Variants in MIB1 observed in about 807,000 individuals in gnomAD.
MIB1 encodes the protein MIB E3 ubiquitin protein ligase 1, also known as E3 ubiquitin-protein ligase MIB1.
A neutral mutation model predicts 124.5 loss-of-function variants in MIB1; 278 were observed. That is an observed-to-expected ratio of 2.23 (90% CI 2.02 to 2.47). The LOEUF (loss-of-function observed/expected upper bound fraction) is 2.47, where lower values mean the gene tolerates loss of function less well. Among genes scored for constraint, MIB1 ranks in the 30% most tolerant of loss-of-function variants. The pLI, the probability that MIB1 is intolerant of heterozygous loss-of-function variation, is 0.00. For synonymous variants in MIB1, 446 were observed against 429.4 expected, an observed-to-expected ratio of 1.04 and a Z score of -0.48; for missense variants, 957 against 1,254.4, an observed-to-expected ratio of 0.76 and a Z score of 3.58.
intron 1 of MIB1, among the ~76,000 whole-genome samples, chr18:21,729,896 G>A (rs2040760288): frequency 6.6e-6 from 1 of 152,164 alleles, no homozygotes; most frequent in Non-Finnish European, 1.5e-5. Flanking sequence ...GTCAACACAT[G>A]CATTTTTTGG....
chr18:21,708,157 G>A (rs1568173010), intron 1 of MIB1, among the ~76,000 whole-genome samples: 2 of 152,192 alleles, frequency 1.3e-5, no homozygotes, highest in African/African-American at 2.4e-5. Context: ...AAACATTGAT[G>A]CCTATAATAT....
intron 10 of MIB1, among the ~76,000 whole-genome samples, chr18:21,804,591 T>G (rs2041684025): frequency 6.6e-6 from 1 of 152,248 alleles, no homozygotes; most frequent in African/African-American, 2.4e-5. Context: ...TGTATCTCTA[T>G]TGTGAAGGAT....
Position 21,815,692 on chromosome 18 carries a change from G to C in MIB1, c.1556G>C (p.Gly519Ala). The C allele has an allele frequency of 6.2e-7, 1 of 1,614,136 alleles. No individual in the cohort carries two copies. Among genetic ancestry groups the C allele is most frequent in the Non-Finnish European group, 8.5e-7 (1 of 1,180,008 alleles). ...EGAVIEVLHR[G>A]SADLNARNKR... ...GCTGTTATAGAAGTACTACATCGAG[G>C]TAGTGCTGATTTGAATGCTCGAAAC... Residue 519 changes from glycine to alanine, a missense_variant, in exon 11 of 21, where the codon GGT becomes GCT. By Grantham distance (60) the Gly-to-Ala change is moderately conservative. Transcript: ENST00000261537.
At chr18:21,841,240 C>T (rs1046473713) in intron 13 of MIB1, among the ~76,000 whole-genome samples, 1 of 152,216 alleles carries the variant, frequency 6.6e-6, no homozygotes, top group East Asian at 1.9e-4. Context: ...GTGGCACGCA[C>T]CTGTAGTCCC....
At chr18:21,848,466 A>G (rs2042153800) in intron 16 of MIB1, among the ~76,000 whole-genome samples, 1 of 152,132 alleles carries the variant, frequency 6.6e-6, no homozygotes, top group African/African-American at 2.4e-5. Flanking sequence ...AAAAAAATCT[A>G]TAAATATAAA....
At chr18:21,860,432 T>G (rs888910078) in intron 20 of MIB1, among the ~76,000 whole-genome samples, 4 of 152,096 alleles carry the variant, frequency 2.6e-5, no homozygotes, top group Admixed American at 2.6e-4. Flanking sequence ...TCAACAAATA[T>G]GCTCTTTTAT....
At chr18:21,818,927 T>G (rs2041855090) in intron 11 of MIB1, among the ~76,000 whole-genome samples, 1 of 152,110 alleles carries the variant, frequency 6.6e-6, no homozygotes, top group African/African-American at 2.4e-5. Context: ...AGAGCGAAAC[T>G]TGGTCTCAAA....
rs1231669216 is a variant in MIB1, at chr18:21,765,784, A to T, written c.242A>T (p.Asp81Val). The T allele has an allele frequency of 6.2e-7, 1 of 1,613,890 alleles. No individual in the cohort carries two copies. Among genetic ancestry groups the T allele is most frequent in the Non-Finnish European group, 8.5e-7 (1 of 1,179,908 alleles). The change falls in exon 2 of 21, where the codon GAT becomes GTT. Residue 81 changes from aspartate (D) to valine (V), a missense_variant. Asp to Val is a radical substitution (Grantham distance 152, BLOSUM62 -3). Coordinates refer to ENST00000261537, the MANE Select transcript of MIB1 (RefSeq NM_020774.4). The part of the protein sequence containing the change: ...LDSAPTGIKH[D>V]GTMCDTCRQQ... ...CTTGTTTTAATAGGCATCAAGCATG[A>T]TGGAACCATGTGTGATACCTGCCGC...
chr18:21,772,029 T>A (rs2041229512), intron 3 of MIB1, among the ~76,000 whole-genome samples: 1 of 152,130 alleles, frequency 6.6e-6, no homozygotes, highest in African/African-American at 2.4e-5. Context: ...TAATGTGTAA[T>A]GTATTTCAAA....
intron 13 of MIB1, among the ~76,000 whole-genome samples, chr18:21,839,681 T>C (rs557201137): frequency 6.6e-6 from 1 of 152,246 alleles, no homozygotes; most frequent in African/African-American, 2.4e-5. Flanking sequence ...ATTTATTTTT[T>C]CTGTAAGACA....
intron 6 of MIB1, among the ~76,000 whole-genome samples, chr18:21,781,413 AT>A: frequency 4.2e-5 from 4 of 95,290 alleles, no homozygotes; most frequent in African/African-American, 9.4e-5. Flanking sequence ...ATATATATAT[AT>A]AAAATTATTA....
At chr18:21,847,441 G>T (rs891350488) in intron 16 of MIB1, among the ~76,000 whole-genome samples, 8 of 152,128 alleles carry the variant, frequency 5.3e-5, no homozygotes, top group Non-Finnish European at 2.9e-5. Context: ...AAGTCTTCTA[G>T]TAAAATTGCT....
At chr18:21,729,820 T>C (rs1216781965) in intron 1 of MIB1, among the ~76,000 whole-genome samples, 2 of 152,112 alleles carry the variant, frequency 1.3e-5, no homozygotes, top group Non-Finnish European at 2.9e-5. Flanking sequence ...ACTAATCCCA[T>C]TGCCCTCATC....
At chr18:21,789,127 G>C (rs1041931970) in intron 6 of MIB1, among the ~76,000 whole-genome samples, 1 of 152,170 alleles carries the variant, frequency 6.6e-6, no homozygotes, top group African/African-American at 2.4e-5. Context: ...TCCAGAGTCT[G>C]GGTGTTGGCA....
chr18:21,717,861 G>A (rs888195144), intron 1 of MIB1, among the ~76,000 whole-genome samples: 1 of 152,164 alleles, frequency 6.6e-6, no homozygotes, highest in African/African-American at 2.4e-5. Context: ...ACTAAAAGTA[G>A]ATCTACCATT....
chr18:21,787,017 ATT>A (rs149888040), intron 6 of MIB1, among the ~76,000 whole-genome samples: 3 of 135,672 alleles, frequency 2.2e-5, no homozygotes, highest in African/African-American at 8.2e-5. Flanking sequence ...TTGAAAGATC[ATT>A]TTTTTTTTTT....
intron 12 of MIB1, among the ~76,000 whole-genome samples, chr18:21,837,761 C>G (rs2042047302): frequency 6.6e-6 from 1 of 152,100 alleles, no homozygotes; most frequent in Admixed American, 6.6e-5. Context: ...TTGCTCCAGA[C>G]TTGGTTTACC....
chr18:21,710,275 T>C (rs2040659951), intron 1 of MIB1, among the ~76,000 whole-genome samples: 1 of 152,168 alleles, frequency 6.6e-6, no homozygotes, highest in South Asian at 2.1e-4. Context: ...TTTGTATTTT[T>C]TGTAGAGACG....
chr18:21,800,044 A>G, intron 9 of MIB1, 70 bp downstream of exon 9: 1 of 1,276,442 alleles, frequency 7.8e-7, no homozygotes, highest in Non-Finnish European at 1.1e-6. Flanking sequence ...ATCCTCAACA[A>G]TTACTAAGAT....
Sources: allele counts gnomAD v4.1 joint callset (sites outside exome capture counted in the v4.1 genomes callset), GRCh38; gene constraint gnomAD v4.1.1; transcripts MANE v1.5; gene names NCBI Gene and HGNC (gene_info 2026-07-23, HGNC 2026-07-21).